Variants in PRKD1 observed in about 807,000 individuals in gnomAD.
PRKD1 encodes the protein protein kinase D1, also known as serine/threonine-protein kinase D1.
PRKD1 carries 63 observed loss-of-function variants against 95.9 expected under a neutral mutation model. The ratio of observed to expected loss-of-function variants is 0.66; its 90% CI spans 0.54 to 0.81. The LOEUF is 0.81. Ranked by LOEUF, PRKD1 falls within the 30% of genes least tolerant of loss-of-function variation. PRKD1 has a pLI of 0.00. For synonymous variants in PRKD1, 425 were observed against 423.1 expected, an observed-to-expected ratio of 1.00 and a Z score of -0.05; for missense variants, 1,048 against 1,165.3, an observed-to-expected ratio of 0.90 and a Z score of 1.47.
intron 1 of PRKD1, among the ~76,000 whole-genome samples, chr14:29,786,924 T>C (rs1422462291): frequency 1.3e-5 from 2 of 152,098 alleles, no homozygotes; most frequent in Non-Finnish European, 2.9e-5. Context: ...CATCACTAGG[T>C]TGTTTATTTG....
intron 1 of PRKD1, among the ~76,000 whole-genome samples, chr14:29,891,435 A>G (rs959504113): frequency 6.6e-6 from 1 of 152,190 alleles, no homozygotes; most frequent in African/African-American, 2.4e-5. Context: ...TGCCTCATGC[A>G]TGCACGCATG....
intron 4 of PRKD1, chr14:29,656,646 G>T (rs1881858781): frequency 2.3e-6 from 2 of 856,744 alleles, no homozygotes; most frequent in African/African-American, 1.7e-5. Flanking sequence ...AAAGCAAAAT[G>T]TTATACTAAA....
intron 1 of PRKD1, among the ~76,000 whole-genome samples, chr14:29,926,382 C>A (rs1414802033): frequency 7.9e-5 from 12 of 152,146 alleles, no homozygotes; most frequent in Admixed American, 6.5e-4. Context: ...TGTATCACCC[C>A]CTTCCATGCA....
intron 1 of PRKD1, among the ~76,000 whole-genome samples, chr14:29,806,791 T>C (rs928674926): frequency 2.0e-5 from 3 of 152,172 alleles, no homozygotes; most frequent in Non-Finnish European, 4.4e-5. Flanking sequence ...GACATACTTT[T>C]GCAACTGAAA....
chr14:29,906,497 G>A (rs565106766), intron 1 of PRKD1, among the ~76,000 whole-genome samples: 5 of 151,732 alleles, frequency 3.3e-5, no homozygotes, highest in South Asian at 2.1e-4. Flanking sequence ...ATGATTGCAC[G>A]TCCCAGGCAG....
intron 1 of PRKD1, among the ~76,000 whole-genome samples, chr14:29,762,639 T>C (rs952017971): frequency 8.5e-5 from 13 of 152,254 alleles, no homozygotes; most frequent in Non-Finnish European, 1.6e-4. Context: ...GTGACAATAT[T>C]TGAAATGTCT....
intron 2 of PRKD1, among the ~76,000 whole-genome samples, chr14:29,693,478 T>C (rs2139304229): frequency 6.6e-6 from 1 of 152,074 alleles, no homozygotes; most frequent in Middle Eastern, 3.4e-3. Flanking sequence ...GTGTAAACTA[T>C]GAAAAATAAG....
chr14:29,894,276 C>T (rs1396084947), intron 1 of PRKD1, among the ~76,000 whole-genome samples: 1 of 152,114 alleles, frequency 6.6e-6, no homozygotes, highest in South Asian at 2.1e-4. Context: ...CCAGGGATGG[C>T]GAAAGAAGTG....
At chr14:29,886,462 C>T (rs779633001) in intron 1 of PRKD1, among the ~76,000 whole-genome samples, 1 of 152,192 alleles carries the variant, frequency 6.6e-6, no homozygotes, top group Admixed American at 6.5e-5. Flanking sequence ...CATCCTCTCT[C>T]CCCCAGCCAA....
At chr14:29,662,727 G>T (rs1882251136) in intron 4 of PRKD1, among the ~76,000 whole-genome samples, 1 of 151,860 alleles carries the variant, frequency 6.6e-6, no homozygotes, top group Non-Finnish European at 1.5e-5. Context: ...TCTTATAGAT[G>T]TCTTCAGAAT....
chr14:29,891,735 G>A (rs918033738), intron 1 of PRKD1, among the ~76,000 whole-genome samples: 3 of 151,552 alleles, frequency 2.0e-5, no homozygotes, highest in African/African-American at 7.3e-5. Flanking sequence ...AACAATGCAC[G>A]TATTATTCCT....
At chr14:29,704,559 C>T (rs983590703) in intron 2 of PRKD1, among the ~76,000 whole-genome samples, 3 of 152,138 alleles carry the variant, frequency 2.0e-5, no homozygotes, top group African/African-American at 7.2e-5. Context: ...GTGCATCTGA[C>T]TCCAAAGCCC....
intron 1 of PRKD1, among the ~76,000 whole-genome samples, chr14:29,733,114 T>A (rs1286562566): frequency 4.0e-5 from 6 of 150,748 alleles, no homozygotes; most frequent in Non-Finnish European, 7.4e-5. Context: ...ATTTATTTTT[T>A]TTTTTTGAGA....
At chr14:29,857,351 AAAC>A (rs1203077884) in intron 1 of PRKD1, among the ~76,000 whole-genome samples, 2 of 152,044 alleles carry the variant, frequency 1.3e-5, no homozygotes, top group African/African-American at 4.8e-5. Context: ...CCATCAGAGA[AAAC>A]AACAACAACA....
At chr14:29,585,633 T>C (rs1892895995) in intron 16 of PRKD1, among the ~76,000 whole-genome samples, 1 of 152,220 alleles carries the variant, frequency 6.6e-6, no homozygotes, top group Non-Finnish European at 1.5e-5. Context: ...AGGCATATGG[T>C]TTGTATATTT....
intron 1 of PRKD1, among the ~76,000 whole-genome samples, chr14:29,923,688 T>C (rs1895199929): frequency 6.6e-6 from 1 of 152,064 alleles, no homozygotes; most frequent in Non-Finnish European, 1.5e-5. Context: ...TAAATGCTAT[T>C]ACTCCATTTA....
intron 1 of PRKD1, among the ~76,000 whole-genome samples, chr14:29,808,599 C>T (rs373184540): frequency 6.6e-6 from 1 of 151,674 alleles, no homozygotes; most frequent in African/African-American, 2.4e-5. Flanking sequence ...GGAGTTTCAC[C>T]ATATTGGCCA....
chr14:29,606,294 T>C (rs1413776893), intron 13 of PRKD1, among the ~76,000 whole-genome samples: 3 of 152,204 alleles, frequency 2.0e-5, no homozygotes, highest in Non-Finnish European at 2.9e-5. Context: ...ATTACAGGCA[T>C]GAGCCACCAC....
intron 1 of PRKD1, among the ~76,000 whole-genome samples, chr14:29,802,493 A>G (rs1281398517): frequency 1.3e-5 from 2 of 152,224 alleles, no homozygotes; most frequent in Admixed American, 1.3e-4. Flanking sequence ...GGTTTTCTAG[A>G]CCTGGATTAC....
Sources: gnomAD v4.1 joint callset for allele counts (sites outside exome capture counted in the v4.1 genomes callset) on GRCh38, gnomAD v4.1.1 for gene constraint, MANE v1.5 for transcripts, NCBI Gene and HGNC (gene_info 2026-07-23, HGNC 2026-07-21) for gene names.